The following GP5 variants were observed in gnomAD, a reference collection of about 807,000 sequenced individuals.
GP5 encodes platelet glycoprotein V.
For missense variants in GP5, 755 were observed against 737.1 expected (o/e 1.02, Z -0.28); for synonymous variants, 382 against 353.9 (o/e 1.08, Z -0.89).
In GP5 at chr3:194,397,430, G is replaced by T; in HGVS notation, c.853C>A (p.Leu285Ile). ...ENPLAELPGV[L>I]FGEMGGLQEL... ...TGCAGGCCCCCCATCTCCCCGAAGA[G>T]CACCCCCGGGAGCTCTGCCAGCGGG... The change falls in exon 2 of 2, where the codon CTC (leucine) becomes ATC (isoleucine). Residue 285 changes from leucine to isoleucine, a missense_variant. Coordinates refer to ENST00000692618, the MANE Select transcript of GP5 (RefSeq NM_004488.2). The surrounding 1 kb of genome is among the most constrained non-coding windows in gnomAD (Gnocchi z 7.2). 1 of 1,613,240 alleles carries T rather than the reference G, an allele frequency of 6.2e-7. No homozygotes were observed. The highest frequency in any genetic ancestry group is 8.5e-7 in the Non-Finnish European group (1 of 1,179,908).
Position 194,397,435 on chromosome 3 carries a change from C to G in GP5, c.848G>C (p.Gly283Ala), listed in dbSNP as rs1043740329. 81 of 1,613,222 alleles carry G rather than the reference C, an allele frequency of 5.0e-5. No homozygotes were observed. The highest frequency in any genetic ancestry group is 6.9e-5 in the Non-Finnish European group (81 of 1,179,968). ...GCCCCCCATCTCCCCGAAGAGCACC[C>G]CCGGGAGCTCTGCCAGCGGGTTCTC... Reference protein sequence around the residue: ...LFENPLAELPGVLFGEMGGLQ... With the variant: ...LFENPLAELPAVLFGEMGGLQ... Residue 283 changes from glycine to alanine, a missense_variant, in exon 2 of 2, where the codon GGG becomes GCG. Gly to Ala is a moderately conservative substitution (Grantham distance 60). Coordinates refer to ENST00000692618, the MANE Select transcript of GP5 (RefSeq NM_004488.2). The surrounding 1 kb of genome is among the most constrained non-coding windows in gnomAD (Gnocchi z 7.2).
Position 194,396,934 on chromosome 3 carries a change from C to T in GP5, c.1349G>A (p.Arg450Gln), listed in dbSNP as rs1185410218. The stretch of plus-strand genomic sequence containing the variant: ...GGCGTGCGCCCCAGGGCCTGCGCAC[C>T]GTGGGGGCTCTTCCCCGCCCACGAG... ...LGLVGGEEPP[R>Q]CAGPGAHAGL... is the part of the protein sequence containing the mutation. The change falls in exon 2 of 2, where the codon CGG (arginine) becomes CAG (glutamine). Residue 450 changes from arginine (R) to glutamine (Q), a missense_variant. Physicochemically the swap from Arg to Gln is conservative, Grantham distance 43. Transcript: ENST00000692618. 6.5e-7 allele frequency: 1 copy of T among 1,534,882 alleles called. No homozygotes were observed. The highest frequency in any genetic ancestry group is 8.7e-7 in the Non-Finnish European group (1 of 1,142,976).
rs762597397 is a variant in GP5, at chr3:194,398,002, A to G, written c.281T>C (p.Phe94Ser). 4.3e-6 allele frequency: 7 copies of G among 1,614,160 alleles called. No individual in the cohort carries two copies. The highest frequency in any genetic ancestry group is 5.9e-6 in the Non-Finnish European group (7 of 1,180,000). The change falls in exon 2 of 2, where the codon TTC becomes TCC. Residue 94 changes from phenylalanine to serine, a missense_variant. Transcript: ENST00000692618. The part of the protein sequence containing the change: ...SHISAVAPGT[F>S]SDLIKLKTLR... ...GGTTTTCAGTTTTATCAGGTCACTGAAGGTGCCGGGGGCAACGGCGGAAAT... is the reference window on the plus strand; with the variant it reads ...GGTTTTCAGTTTTATCAGGTCACTGGAGGTGCCGGGGGCAACGGCGGAAAT...
rs568890266 is a variant in GP5 at position 194,396,436 on chromosome 3, G to A, written c.*164C>T. 1.7e-6 allele frequency: 1 copy of A among 601,694 alleles called. No homozygotes were observed. The highest frequency in any genetic ancestry group is 2.9e-6 in the Non-Finnish European group (1 of 341,642). The allele number at this position is 601,694 out of a possible 1,614,324, so 37.3% of individuals were successfully genotyped here. A position where few individuals can be genotyped will look rare whatever the true frequency, so the allele number is the denominator to read the frequency against. ...CCTGTGAGAATGAAGAGCACAGAGC[G>A]GAGAGGGGGAGGAGGAGGGAAAGGA... is the stretch of plus-strand genomic sequence containing the variant. On this transcript the variant is annotated 3_prime_UTR_variant, in exon 2 of 2. Coordinates refer to ENST00000692618, the MANE Select transcript of GP5 (RefSeq NM_004488.2).
chr3:194,396,613 C>A lies in GP5; in HGVS notation c.1670G>T (p.Arg557Ile). ...GQLFRKLIRE[R>I]ALG ...TTTCCCATTGGTTTACCCAAGGGCT[C>A]TCTCTCTGATTAATTTTCGAAAGAG... Residue 557 changes from arginine (R) to isoleucine (I), a missense_variant, in exon 2 of 2, where the codon AGA becomes ATA. By Grantham distance (97) the Arg-to-Ile change is moderately conservative. Coordinates refer to ENST00000692618, the MANE Select transcript of GP5 (RefSeq NM_004488.2). 6.2e-7 allele frequency: 1 copy of A among 1,610,312 alleles called. No homozygotes were observed. The highest frequency in any genetic ancestry group is 1.1e-5 in the South Asian group (1 of 90,552).
rs1714487266 is a variant in GP5 at position 194,397,180 on chromosome 3, A to C, written c.1103T>G (p.Val368Gly). ...LLRGLGKLRQ[V>G]SLRRNRLRAL... Reference sequence around the variant, plus strand: ...GCGCAGCCTGTTGCGGCGCAGGGACACCTGGCGCAGCTTGCCGAGGCCGCG... The same window carrying C: ...GCGCAGCCTGTTGCGGCGCAGGGACCCCTGGCGCAGCTTGCCGAGGCCGCG... The change falls in exon 2 of 2, where the codon GTG becomes GGG. Residue 368 changes from valine to glycine, a missense_variant. Coordinates refer to ENST00000692618, the MANE Select transcript of GP5 (RefSeq NM_004488.2). The surrounding 1 kb of genome is among the most constrained non-coding windows in gnomAD (Gnocchi z 7.2). The C allele has an allele frequency of 1.3e-6, 2 of 1,575,100 alleles. No individual in the cohort carries two copies. The highest frequency in any genetic ancestry group is 2.3e-5 in the South Asian group (2 of 88,264).
Position 194,397,328 on chromosome 3 carries a change from A to T in GP5, c.955T>A (p.Leu319Ile). 6.3e-7 allele frequency: 1 copy of T among 1,597,146 alleles called. No homozygotes were observed. The highest frequency in any genetic ancestry group is 8.5e-7 in the Non-Finnish European group (1 of 1,177,052). ...AFRNLSRLRYLGVTLSPRLSA... is the reference protein window; with the variant it reads ...AFRNLSRLRYIGVTLSPRLSA... Reference sequence around the variant, plus strand: ...AGCCGCGGGCTCAGAGTCACCCCTAAGTACCGCAGGCGGCTCAGGTTGCGG... The same window carrying T: ...AGCCGCGGGCTCAGAGTCACCCCTATGTACCGCAGGCGGCTCAGGTTGCGG... The change falls in exon 2 of 2, where the codon TTA (leucine) becomes ATA (isoleucine). Residue 319 changes from leucine to isoleucine, a missense_variant. Physicochemically the swap from Leu to Ile is conservative, Grantham distance 5. Coordinates refer to ENST00000692618, the MANE Select transcript of GP5 (RefSeq NM_004488.2). The surrounding 1 kb of genome is among the most constrained non-coding windows in gnomAD (Gnocchi z 7.2).
Position 194,398,057 on chromosome 3 carries a change from G to C in GP5, c.226C>G (p.Leu76Val). Residue 76 changes from leucine to valine, a missense_variant, in exon 2 of 2, where the codon CTG becomes GTG. Leu to Val is a conservative substitution (Grantham distance 32). Transcript: ENST00000692618. ...CTGTCGGAGATCATGAGGCGCTGCA[G>C]GACGGTCATGCCGCTGAAGCTCTGG... ...QSQSFSGMTV[L>V]QRLMISDSHI... 6.2e-7 allele frequency: 1 copy of C among 1,614,040 alleles called. No individual in the cohort carries two copies. Among genetic ancestry groups the C allele is most frequent in the East Asian group, 2.2e-5 (1 of 44,884 alleles).
intron 1 of GP5, among the ~76,000 whole-genome samples, chr3:194,398,896 C>T (rs1371458064): frequency 1.3e-5 from 2 of 152,144 alleles, no homozygotes; most frequent in Non-Finnish European, 2.9e-5. Context: ...GCATTTAATC[C>T]TTACAATAAC....
rs1316355146 is a variant in GP5, at chr3:194,398,018, C to G, written c.265G>C (p.Val89Leu). ...LMISDSHISA[V>L]APGTFSDLIK... ...AGGTCACTGAAGGTGCCGGGGGCAA[C>G]GGCGGAAATGTGGCTGTCGGAGATC... is the stretch of plus-strand genomic sequence containing the variant. The change falls in exon 2 of 2, where the codon GTT becomes CTT. Residue 89 changes from valine to leucine, a missense_variant. Val to Leu is a conservative substitution (Grantham distance 32). Transcript: ENST00000692618. 1 of 1,614,130 alleles carries G rather than the reference C, an allele frequency of 6.2e-7. No individual in the cohort carries two copies. Among genetic ancestry groups the G allele is most frequent in the Admixed American group, 1.7e-5 (1 of 60,024 alleles).
In GP5 at chr3:194,395,379, T is replaced by C. The variant is rs1224517994; in HGVS notation, c.*1221A>G. On this transcript the variant is annotated 3_prime_UTR_variant, in exon 2 of 2. Coordinates refer to ENST00000692618, the MANE Select transcript of GP5 (RefSeq NM_004488.2). The stretch of plus-strand genomic sequence containing the variant: ...TGAACTAGAATCAAGCTTATCATTA[T>C]ATTCATGAATACCAGTCACATGTTA... 1 of 152,272 alleles carries C rather than the reference T, an allele frequency of 6.6e-6. No homozygotes were observed. The highest frequency in any genetic ancestry group is 1.5e-5 in the Non-Finnish European group (1 of 68,058). 9.4% of individuals were successfully genotyped at this position (152,272 alleles called of 1,614,324 possible).
In GP5 at chr3:194,396,819, C is replaced by T. The variant is rs748131440; in HGVS notation, c.1464G>A (p.Ser488=). 1.9e-6 allele frequency: 3 copies of T among 1,599,882 alleles called. No individual in the cohort carries two copies. Among genetic ancestry groups the T allele is most frequent in the South Asian group, 1.1e-5 (1 of 89,314 alleles). ...PPPRPAADSS[S]EAPVHPALAP... is the part of the protein sequence containing the mutation. ...CCAAGGCTGGGTGGACAGGGGCTTCCGAGGAGCTGTCCGCAGCGGGGCGGG... is the reference window on the plus strand; with the variant it reads ...CCAAGGCTGGGTGGACAGGGGCTTCTGAGGAGCTGTCCGCAGCGGGGCGGG... Residue 488 remains serine, a synonymous_variant, in exon 2 of 2, where the codon TCG becomes TCA. Transcript: ENST00000692618.
In GP5 at chr3:194,395,648, A is replaced by G. The variant is rs900773272; in HGVS notation, c.*952T>C. ...ATGAATGGAGTCCAGTGCTCTCCCA[A>G]GTAGCCCATAGGTCAGAGAGACATA... On this transcript the variant is annotated 3_prime_UTR_variant, in exon 2 of 2. Coordinates refer to ENST00000692618, the MANE Select transcript of GP5 (RefSeq NM_004488.2). 2.0e-5 allele frequency: 3 copies of G among 152,270 alleles called. No homozygotes were observed. Among genetic ancestry groups the G allele is most frequent in the East Asian group, 3.8e-4 (2 of 5,200 alleles). The allele number at this position is 152,270 out of a possible 1,614,324, so 9.4% of individuals were successfully genotyped here.
chr3:194,397,765 T>C lies in GP5; in HGVS notation c.518A>G (p.Lys173Arg). The change falls in exon 2 of 2, where the codon AAG becomes AGG. Residue 173 changes from lysine to arginine, a missense_variant. Physicochemically the swap from Lys to Arg is conservative, Grantham distance 26. Transcript: ENST00000692618. This position sits in a 1 kb window ranked among gnomAD's most constrained non-coding sequence, Gnocchi z 7.2. ...GTTGTTTCCCGATAAATCCAACAAC[T>C]TCAGGTTCTCCAGATTCGTGAAGAG... ...ASLFTNLENL[K>R]LLDLSGNNLT... 1 of 1,613,830 alleles carries C rather than the reference T, an allele frequency of 6.2e-7. No homozygotes were observed. Among genetic ancestry groups the C allele is most frequent in the Non-Finnish European group, 8.5e-7 (1 of 1,179,892 alleles).
At position 194,397,198 on chromosome 3, in the gene GP5, A is replaced by C; in HGVS notation, c.1085T>G (p.Leu362Arg). Residue 362 changes from leucine (L) to arginine (R), a missense_variant, in exon 2 of 2, where the codon CTC becomes CGC. Coordinates refer to ENST00000692618, the MANE Select transcript of GP5 (RefSeq NM_004488.2). This position sits in a 1 kb window ranked among gnomAD's most constrained non-coding sequence, Gnocchi z 7.2. Reference sequence around the variant, plus strand: ...CAGGGACACCTGGCGCAGCTTGCCGAGGCCGCGCAGCAAGCCGTCGGGGAG... The same window carrying C: ...CAGGGACACCTGGCGCAGCTTGCCGCGGCCGCGCAGCAAGCCGTCGGGGAG... ...TALPDGLLRG[L>R]GKLRQVSLRR... is the part of the protein sequence containing the mutation. The C allele has an allele frequency of 6.4e-7, 1 of 1,570,572 alleles. No individual in the cohort carries two copies. The highest frequency in any genetic ancestry group is 1.1e-5 in the South Asian group (1 of 87,930).
In GP5 at chr3:194,396,150, AT is replaced by A. The variant is rs1333048972; in HGVS notation, c.*449del. 4 of 156,824 alleles carry A rather than the reference AT, an allele frequency of 2.6e-5. No individual in the cohort carries two copies. The highest frequency in any genetic ancestry group is 7.2e-5 in the African/African-American group (3 of 41,630). 9.7% of individuals were successfully genotyped at this position (156,824 alleles called of 1,614,324 possible). Reference sequence around the variant, plus strand: ...TTATCCACGCATTGATTTCACAAACATTTACCGGCTTACTCTGTGCAGGAGA... The same window carrying A: ...TTATCCACGCATTGATTTCACAAACATTACCGGCTTACTCTGTGCAGGAGA... On this transcript the variant is annotated 3_prime_UTR_variant, in exon 2 of 2. Coordinates refer to ENST00000692618, the MANE Select transcript of GP5 (RefSeq NM_004488.2).
Position 194,398,175 on chromosome 3 carries a change from C to T in GP5, c.108G>A (p.Ser36=), listed in dbSNP as rs148635904. 1.1e-5 allele frequency: 17 copies of T among 1,612,714 alleles called. 1 individual carries two copies. The highest frequency in any genetic ancestry group is 3.3e-4 in the Middle Eastern group (2 of 6,082). Residue 36 remains serine, a synonymous_variant, in exon 2 of 2, where the codon TCG becomes TCA. Transcript: ENST00000692618. ...CGGAGATGCGCGCCACGTCGCCCCC[C>T]GAGCACTGCGCGGCGTCCCGGAAGA... is the stretch of plus-strand genomic sequence containing the variant. ...KCVFRDAAQC[S]GGDVARISAL... is the part of the protein sequence containing the mutation.
At position 194,397,448 on chromosome 3, in the gene GP5, C is replaced by T; in HGVS notation, c.835G>A (p.Ala279Thr). The T allele has an allele frequency of 1.2e-6, 2 of 1,613,468 alleles. No homozygotes were observed. The highest frequency in any genetic ancestry group is 8.5e-7 in the Non-Finnish European group (1 of 1,179,970). The change falls in exon 2 of 2, where the codon GCA (alanine) becomes ACA (threonine). Residue 279 changes from alanine to threonine, a missense_variant. Coordinates refer to ENST00000692618, the MANE Select transcript of GP5 (RefSeq NM_004488.2). The surrounding 1 kb of genome is among the most constrained non-coding windows in gnomAD (Gnocchi z 7.2). Reference protein sequence around the residue: ...TLLTLFENPLAELPGVLFGEM... With the variant: ...TLLTLFENPLTELPGVLFGEM... ...CCGAAGAGCACCCCCGGGAGCTCTG[C>T]CAGCGGGTTCTCGAACAGAGTCAAC...
In GP5 at chr3:194,397,846, A is replaced by C; in HGVS notation, c.437T>G (p.Val146Gly). 1 of 1,614,076 alleles carries C rather than the reference A, an allele frequency of 6.2e-7. No homozygotes were observed. The highest frequency in any genetic ancestry group is 2.2e-5 in the East Asian group (1 of 44,882). The change falls in exon 2 of 2, where the codon GTT becomes GGT. Residue 146 changes from valine to glycine, a missense_variant. Transcript: ENST00000692618. This position sits in a 1 kb window ranked among gnomAD's most constrained non-coding sequence, Gnocchi z 7.2. ...GIDQNMFQKL[V>G]NLQELALNQN... ...GTTCAGAGCGAGCTCCTGCAGGTTA[A>C]CCAGTTTCTGAAACATGTTTTGGTC...
Sources: allele counts gnomAD v4.1 joint callset (sites outside exome capture counted in the v4.1 genomes callset), GRCh38; gene constraint gnomAD v4.1.1; non-coding constraint Gnocchi (gnomAD v3.1); transcripts MANE v1.5; gene names NCBI Gene and HGNC (gene_info 2026-07-23, HGNC 2026-07-21).